GFRA1: variants seen among roughly 807,000 people sequenced by gnomAD.
GFRA1 encodes GDNF family receptor alpha 1, also known as GDNF family receptor alpha-1.
Under a neutral mutation model 51.6 loss-of-function variants are expected in GFRA1, and 16 were observed. The ratio of observed to expected loss-of-function variants is 0.31; its 90% CI spans 0.21 to 0.47. The LOEUF (loss-of-function observed/expected upper bound fraction) is 0.47, where lower values mean the gene tolerates loss of function less well. Ranked by LOEUF, GFRA1 falls within the 20% of genes least tolerant of loss-of-function variation. The pLI, the probability that GFRA1 is intolerant of heterozygous loss-of-function variation, is 1.00. For synonymous variants in GFRA1, 270 were observed against 241.3 expected (o/e 1.12, Z -1.10); for missense variants, 530 against 594.3 (o/e 0.89, Z 1.13).
At chr10:116,188,898 T>TAA (rs779339657) in intron 5 of GFRA1, among the ~76,000 whole-genome samples, 48 of 130,470 alleles carry the variant, frequency 3.7e-4, no homozygotes, top group African/African-American at 1.1e-3. Context: ...AGACTCTGTT[T>TAA]AAAAAAAAAA....
At chr10:116,144,088 G>A (rs1958689907) in intron 5 of GFRA1, among the ~76,000 whole-genome samples, 1 of 152,130 alleles carries the variant, frequency 6.6e-6, no homozygotes, top group East Asian at 1.9e-4. Context: ...GGTCTGAGGT[G>A]AGACCTTGAA....
intron 9 of GFRA1, among the ~76,000 whole-genome samples, chr10:116,082,345 C>A (rs1380766600): frequency 6.6e-6 from 1 of 152,144 alleles, no homozygotes; most frequent in East Asian, 1.9e-4. Context: ...CCTTTGGTTT[C>A]CCTTCCTTCT....
intron 4 of GFRA1, among the ~76,000 whole-genome samples, chr10:116,252,018 A>G (rs1968418543): frequency 7.0e-6 from 1 of 143,456 alleles, no homozygotes; most frequent in Non-Finnish European, 1.5e-5. Context: ...AACCCTGAGT[A>G]AAAATTTTCT....
rs186282215 is a variant in GFRA1 at position 116,084,960 on chromosome 10, T to C, written c.1197+4781A>G. ...GTAAGTCGAAGGAATAGGCCAACAA[T>C]AGCACAGCCTGTGCCATGCTTGTCA... On this transcript the variant is annotated intron_variant, in intron 9 of 10. Coordinates refer to ENST00000355422, the MANE Select transcript of GFRA1 (RefSeq NM_005264.8). Among the ~76,000 whole-genome samples, 212 of 152,296 alleles carry C rather than the reference T, an allele frequency of 1.4e-3. 1 individual carries two copies. Among genetic ancestry groups the C allele is most frequent in the African/African-American group, 4.8e-3 (198 of 41,554 alleles).
intron 5 of GFRA1, among the ~76,000 whole-genome samples, chr10:116,152,308 C>A (rs948444162): frequency 6.6e-6 from 1 of 152,196 alleles, no homozygotes; most frequent in Admixed American, 6.5e-5. Context: ...AATCACACAT[C>A]ACCGTCTTCA....
At chr10:116,206,825 G>C (rs1964812668) in intron 5 of GFRA1, among the ~76,000 whole-genome samples, 1 of 151,248 alleles carries the variant, frequency 6.6e-6, no homozygotes, top group Non-Finnish European at 1.5e-5. Context: ...GTAGAGACGG[G>C]GTTTCACCGT....
At chr10:116,120,874 CCT>C (rs1377196778) in intron 6 of GFRA1, among the ~76,000 whole-genome samples, 1 of 152,186 alleles carries the variant, frequency 6.6e-6, no homozygotes, top group Admixed American at 6.5e-5. Context: ...CCAAGCACAC[CCT>C]GAGTTTTTTC....
intron 9 of GFRA1, among the ~76,000 whole-genome samples, chr10:116,074,325 C>G (rs1378196015): frequency 6.6e-6 from 1 of 152,172 alleles, no homozygotes; most frequent in African/African-American, 2.4e-5. Flanking sequence ...TATCTTACAT[C>G]AACCCTCAGA....
intron 4 of GFRA1, among the ~76,000 whole-genome samples, chr10:116,214,708 G>T (rs190448705): frequency 5.3e-5 from 8 of 152,324 alleles, no homozygotes; most frequent in Non-Finnish European, 7.3e-5. Flanking sequence ...TACGGATTCA[G>T]TCTCGACATC....
At chr10:116,269,612 C>T (rs1282543827) in intron 3 of GFRA1, 26 bp from the exon 4 acceptor site, 11 of 1,362,458 alleles carry the variant, frequency 8.1e-6, no homozygotes, top group Non-Finnish European at 1.2e-5. Flanking sequence ...AGATTGGGCT[C>T]AGATCAGAAA....
chr10:116,273,659 CTCTCTCTCTCTG>C (rs1438920372), upstream of GFRA1, among the ~76,000 whole-genome samples: 16 of 106,006 alleles, frequency 1.5e-4, no homozygotes, highest in Admixed American at 5.7e-4. Context: ...CTCTCTCTCT[CTCTCTCTCTCTG>C]TCTCTCTCTC....
chr10:116,095,644 A>G (rs1956538738), intron 7 of GFRA1, among the ~76,000 whole-genome samples: 1 of 152,076 alleles, frequency 6.6e-6, no homozygotes, highest in Admixed American at 6.6e-5. Flanking sequence ...TGTACCAGGA[A>G]CCTGTCCATC....
intron 4 of GFRA1, among the ~76,000 whole-genome samples, chr10:116,234,159 C>T (rs1966840658): frequency 6.6e-6 from 1 of 152,150 alleles, no homozygotes; most frequent in Non-Finnish European, 1.5e-5. Flanking sequence ...TTGTTGTTAC[C>T]TTTTTAAGGA....
chr10:116,265,630 G>C (rs1969595069), intron 4 of GFRA1, among the ~76,000 whole-genome samples: 3 of 152,258 alleles, frequency 2.0e-5, no homozygotes, highest in Middle Eastern at 6.8e-3. Flanking sequence ...GCAGAATAGA[G>C]GTGCAAGAGC....
intron 9 of GFRA1, among the ~76,000 whole-genome samples, chr10:116,068,527 T>C (rs1223776452): frequency 6.6e-6 from 1 of 152,178 alleles, no homozygotes; most frequent in Admixed American, 6.5e-5. Context: ...ACAGTGGGCA[T>C]GCTGCAGAGA....
intron 4 of GFRA1, chr10:116,255,801 C>T (rs930727624): frequency 8.8e-6 from 11 of 1,243,976 alleles, no homozygotes; most frequent in Non-Finnish European, 1.2e-5. Flanking sequence ...AGCACATTCC[C>T]TGGCACACAG....
At chr10:116,256,123 G>C (rs1319246911) in intron 4 of GFRA1, among the ~76,000 whole-genome samples, 1 of 152,122 alleles carries the variant, frequency 6.6e-6, no homozygotes, top group East Asian at 1.9e-4. Flanking sequence ...GCAACCTTAT[G>C]AACTGGATAC....
chr10:116,068,680 C>T (rs1030816209), intron 9 of GFRA1, among the ~76,000 whole-genome samples: 5 of 152,136 alleles, frequency 3.3e-5, no homozygotes, highest in East Asian at 1.9e-4. Flanking sequence ...AGAAAATCTG[C>T]GTCTTAAAAC....
chr10:116,175,806 G>A (rs1961527409), intron 5 of GFRA1, among the ~76,000 whole-genome samples: 1 of 152,158 alleles, frequency 6.6e-6, no homozygotes, highest in Admixed American at 6.5e-5. Context: ...TGAAAGTCTT[G>A]GTTATTCTCC....
Sources: allele counts gnomAD v4.1 joint callset (sites outside exome capture counted in the v4.1 genomes callset), GRCh38; gene constraint gnomAD v4.1.1; transcripts MANE v1.5; gene names NCBI Gene and HGNC (gene_info 2026-07-23, HGNC 2026-07-21).